Variants in NUP98 observed in about 807,000 individuals in gnomAD.
NUP98 encodes the protein nucleoporin 98 and 96 precursor.
NUP98 carries 26 observed loss-of-function variants against 191.9 expected under a neutral mutation model. The ratio of observed to expected loss-of-function variants is 0.14; its 90% CI spans 0.10 to 0.19. NUP98 has a LOEUF of 0.19. Among genes scored for constraint, NUP98 ranks in the 10% least tolerant of loss-of-function variants. The pLI, the probability that NUP98 is intolerant of heterozygous loss-of-function variation, is 1.00. For synonymous variants in NUP98, 808 were observed against 778.4 expected, an observed-to-expected ratio of 1.04 and a Z score of -0.63; for missense variants, 1,941 against 2,178.8, an observed-to-expected ratio of 0.89 and a Z score of 2.17.
At chr11:3,777,994 C>T (rs369060381) in intron 4 of NUP98, among the ~76,000 whole-genome samples, 81 of 151,826 alleles carry the variant, frequency 5.3e-4, no homozygotes, top group Middle Eastern at 6.8e-3. Flanking sequence ...GTCAGGAGAT[C>T]GAGACCATCC....
chr11:3,795,451 TAAATAAAC>T (rs1204136515), intron 1 of NUP98, among the ~76,000 whole-genome samples: 1 of 151,978 alleles, frequency 6.6e-6, no homozygotes, highest in Non-Finnish European at 1.5e-5. Context: ...ATCTCATAAA[TAAATAAAC>T]AAATAAATGT....
chr11:3,703,256 GCC>G, intron 22 of NUP98, among the ~76,000 whole-genome samples: 1 of 146,636 alleles, frequency 6.8e-6, no homozygotes, highest in Admixed American at 6.9e-5. Flanking sequence ...TCGCCCTGTA[GCC>G]CAGGCTAGAG....
intron 5 of NUP98, among the ~76,000 whole-genome samples, 164 bp downstream of exon 5, chr11:3,775,718 A>G (rs749196977): frequency 6.6e-6 from 1 of 152,166 alleles, no homozygotes; most frequent in Non-Finnish European, 1.5e-5. Context: ...TACATTTCAC[A>G]AGTGTTCCTG....
chr11:3,688,983 C>G (rs2078222458), intron 28 of NUP98, among the ~76,000 whole-genome samples: 1 of 151,844 alleles, frequency 6.6e-6, no homozygotes, highest in South Asian at 2.1e-4. Context: ...CCTGTAATCC[C>G]AGTACTTTAG....
chr11:3,768,807 A>C (rs2081423996), intron 7 of NUP98, 63 bp from the exon 8 acceptor site: 2 of 1,259,780 alleles, frequency 1.6e-6, no homozygotes, highest in African/African-American at 3.0e-5. Context: ...ACACCCAAAA[A>C]TACAAAACCT....
chr11:3,709,675 A>G (rs924657252), intron 20 of NUP98, among the ~76,000 whole-genome samples: 2 of 144,620 alleles, frequency 1.4e-5, no homozygotes, highest in Non-Finnish European at 3.1e-5. Context: ...TTTGCCTCAG[A>G]AAAAAAAAAA....
intron 27 of NUP98, 137 bp downstream of exon 27, chr11:3,693,095 C>T (rs1296159373): frequency 5.0e-6 from 4 of 793,838 alleles, no homozygotes; most frequent in Non-Finnish European, 8.0e-6. Flanking sequence ...AAAATAAAAA[C>T]AGACACTTGG....
At chr11:3,781,972 A>AT in intron 2 of NUP98, 70 bp downstream of exon 2, 1 of 995,420 alleles carries the variant, frequency 1.0e-6, no homozygotes, top group Non-Finnish European at 1.5e-6. Context: ...CCTAAAGCTT[A>AT]TCAGAGTGGA....
intron 10 of NUP98, among the ~76,000 whole-genome samples, chr11:3,759,359 G>A (rs965584707): frequency 6.6e-6 from 1 of 152,158 alleles, no homozygotes; most frequent in African/African-American, 2.4e-5. Context: ...CACTTTGGGA[G>A]GCCGAGGCAG....
At chr11:3,696,128 T>C (rs1374384299) in intron 25 of NUP98, among the ~76,000 whole-genome samples, 3 of 151,976 alleles carry the variant, frequency 2.0e-5, no homozygotes, top group Non-Finnish European at 4.4e-5. Flanking sequence ...GAGTTGGAGG[T>C]TGCAGTGAGC....
intron 1 of NUP98, among the ~76,000 whole-genome samples, chr11:3,783,844 TAAG>T (rs2082054702): frequency 6.6e-6 from 1 of 151,866 alleles, no homozygotes. Flanking sequence ...CCTGTCTGAA[TAAG>T]AATAGCTTCA....
In NUP98 at chr11:3,753,427, G is replaced by A. The variant is rs756387014; in HGVS notation, c.1175-19C>T. ...CCAAAACCTAGGAAGACAAAAGAAT[G>A]AGTGGATTGTACTTTTAATATAACT... On this transcript the variant is annotated intron_variant, in intron 10 of 32. Coordinates refer to ENST00000324932, the MANE Select transcript of NUP98 (RefSeq NM_016320.5). 2.5e-6 allele frequency: 4 copies of A among 1,572,674 alleles called. No individual in the cohort carries two copies. The African/African-American group carries it at 4.1e-5, about 16-fold the overall frequency.
chr11:3,716,791 C>A (rs2079199775), intron 18 of NUP98, among the ~76,000 whole-genome samples: 2 of 152,000 alleles, frequency 1.3e-5, no homozygotes, highest in African/African-American at 2.4e-5. Flanking sequence ...TATGCCACTA[C>A]CATACTGTTT....
intron 12 of NUP98, among the ~76,000 whole-genome samples, chr11:3,742,687 A>C (rs1232008995): frequency 7.2e-6 from 1 of 139,386 alleles, no homozygotes; most frequent in Non-Finnish European, 1.6e-5. Flanking sequence ...AGATAGAGCA[A>C]GACTCTGTCT....
chr11:3,769,556 A>G (rs528023374), intron 7 of NUP98, among the ~76,000 whole-genome samples: 6 of 150,156 alleles, frequency 4.0e-5, no homozygotes, highest in African/African-American at 1.5e-4. Context: ...AGCCTGGTCA[A>G]CAAAGTGGGA....
rs2078033902 is a variant in NUP98, at chr11:3,683,384, G to A, written c.4734C>T (p.Thr1578=). The change falls in exon 30 of 33, where the codon ACC becomes ACT. Residue 1578 remains threonine, a synonymous_variant. Coordinates refer to ENST00000324932, the MANE Select transcript of NUP98 (RefSeq NM_016320.5). The stretch of plus-strand genomic sequence containing the variant: ...AAGTCTCTTTAGCCCAAGATTCAGG[G>A]GTCTCCAACAGCTGGCAGTGCCGGG... ...LLTRHCQLLE[T]PESWAKETFL... is the part of the protein sequence containing the mutation. 6.2e-7 allele frequency: 1 copy of A among 1,614,120 alleles called. No individual in the cohort carries two copies. The highest frequency in any genetic ancestry group is 1.1e-5 in the South Asian group (1 of 91,076).
Position 3,773,740 on chromosome 11 carries a change from C to T in NUP98, c.496-1G>A. On this transcript the variant is annotated splice_acceptor_variant, in intron 5 of 32. Coordinates refer to ENST00000324932, the MANE Select transcript of NUP98 (RefSeq NM_016320.5). LOFTEE classifies it high-confidence loss of function. ...CCATAGTATCTGTACCAGTTGGAGG[C>T]TGCAAAGTTAAATAAAGGCAAATTT... 1 of 1,604,790 alleles carries T rather than the reference C, an allele frequency of 6.2e-7. No homozygotes were observed. Among genetic ancestry groups the T allele is most frequent in the Non-Finnish European group, 8.5e-7 (1 of 1,175,248 alleles).
At position 3,720,632 on chromosome 11, in the gene NUP98, A is replaced by G. The variant is rs549391155; in HGVS notation, c.2260+80T>C. 3.7e-5 allele frequency: 25 copies of G among 681,772 alleles called. No individual in the cohort carries two copies. The South Asian group carries it at 4.8e-4, about 13-fold the overall frequency. 42.2% of individuals were successfully genotyped at this position (681,772 alleles called of 1,614,324 possible). On this transcript the variant is annotated intron_variant, in intron 17 of 32. Coordinates refer to ENST00000324932, the MANE Select transcript of NUP98 (RefSeq NM_016320.5). ...CCCAAATGTAGGAAAATGAAGATTC[A>G]GCTATCAAAAGCTTCCCCTAATTAC...
intron 5 of NUP98, 102 bp from the exon 6 acceptor site, chr11:3,773,841 G>A (rs953591237): frequency 1.4e-5 from 9 of 643,508 alleles, no homozygotes; most frequent in Non-Finnish European, 1.1e-5. Context: ...AGTCCCCCCA[G>A]GTCTTTTATA....
Sources: allele counts gnomAD v4.1 joint callset (sites outside exome capture counted in the v4.1 genomes callset), GRCh38; gene constraint gnomAD v4.1.1; transcripts MANE v1.5; gene names NCBI Gene and HGNC (gene_info 2026-07-23, HGNC 2026-07-21).